PTPRM: variants seen among roughly 807,000 people sequenced by gnomAD.
The protein encoded by PTPRM is receptor-type tyrosine-protein phosphatase mu.
In PTPRM, 47 loss-of-function variants were observed where a neutral mutation model predicts 186.7. The ratio of observed to expected loss-of-function variants is 0.25; its 90% CI spans 0.20 to 0.32. PTPRM has a LOEUF of 0.32. Among genes scored for constraint, PTPRM ranks in the 10% least tolerant of loss-of-function variants. The pLI, the probability that PTPRM is intolerant of heterozygous loss-of-function variation, is 1.00. For synonymous variants in PTPRM, 668 were observed against 674.9 expected, an observed-to-expected ratio of 0.99 and a Z score of 0.16; for missense variants, 1,494 against 1,865.0, an observed-to-expected ratio of 0.80 and a Z score of 3.66.
At chr18:8,267,509 C>G (rs1488730102) in intron 19 of PTPRM, among the ~76,000 whole-genome samples, 1 of 152,070 alleles carries the variant, frequency 6.6e-6, no homozygotes, top group Non-Finnish European at 1.5e-5. Flanking sequence ...TAAGGCATTA[C>G]AATCTTAACA....
At chr18:8,330,034 C>A (rs1301054916) in intron 22 of PTPRM, among the ~76,000 whole-genome samples, 3 of 152,088 alleles carry the variant, frequency 2.0e-5, no homozygotes, top group Admixed American at 1.3e-4. Flanking sequence ...AACTCCTGGC[C>A]TCAAGCAATC....
chr18:8,052,363 G>A (rs980598293), intron 7 of PTPRM, among the ~76,000 whole-genome samples: 1 of 152,090 alleles, frequency 6.6e-6, no homozygotes, highest in Non-Finnish European at 1.5e-5. Flanking sequence ...TACCACTGTG[G>A]TCCCATATGA....
chr18:8,167,852 G>A (rs139996296), intron 14 of PTPRM, among the ~76,000 whole-genome samples: 32 of 152,316 alleles, frequency 2.1e-4, no homozygotes, highest in Middle Eastern at 3.4e-3. Context: ...ATGATGCAGT[G>A]TGGCACCTGA....
At chr18:8,308,667 A>C (rs1477681775) in intron 20 of PTPRM, among the ~76,000 whole-genome samples, 2 of 152,226 alleles carry the variant, frequency 1.3e-5, no homozygotes, top group Admixed American at 1.3e-4. Context: ...TGTGGCTAAC[A>C]GATACCCTAT....
chr18:8,080,354 C>T (rs765390605), intron 9 of PTPRM, among the ~76,000 whole-genome samples: 1 of 152,138 alleles, frequency 6.6e-6, no homozygotes, highest in African/African-American at 2.4e-5. Context: ...GAGACTAACA[C>T]ATGGATTGTT....
chr18:7,934,613 A>G (rs1380035623), intron 5 of PTPRM, among the ~76,000 whole-genome samples: 1 of 152,238 alleles, frequency 6.6e-6, no homozygotes, highest in Admixed American at 6.5e-5. Flanking sequence ...TGTTTGAAAT[A>G]AAGTAATTGC....
intron 17 of PTPRM, 30 bp downstream of exon 17, chr18:8,248,206 T>C (rs771411778): frequency 1.3e-6 from 2 of 1,520,324 alleles, no homozygotes; most frequent in Middle Eastern, 1.7e-4. Flanking sequence ...CCACAGTTTA[T>C]TGCAGGAGTA....
In PTPRM at chr18:8,282,965, G is replaced by C. The variant is rs562202892; in HGVS notation, c.2755-13403G>C. 3.3e-5 allele frequency among the ~76,000 whole-genome samples: 5 copies of C among 152,260 alleles called. No individual in the cohort carries two copies. The South Asian group carries it at 1.0e-3, about 32-fold the overall frequency. ...ATGGATCTCAAGGGCATTGTGCTCA[G>C]GAAAAAGAAGCCAGTACTTGATGAT... On this transcript the variant is annotated intron_variant, in intron 19 of 32. Coordinates refer to ENST00000580170, the MANE Select transcript of PTPRM (RefSeq NM_001105244.2).
At chr18:7,795,769 A>T (rs2043598223) in intron 2 of PTPRM, among the ~76,000 whole-genome samples, 1 of 149,904 alleles carries the variant, frequency 6.7e-6, no homozygotes, top group African/African-American at 2.5e-5. Flanking sequence ...GTTCACCAAG[A>T]TATTACCACT....
In PTPRM at chr18:7,568,209, T is replaced by A. The variant is rs1320414835; in HGVS notation, c.73+318T>A. On this transcript the variant is annotated intron_variant, in intron 1 of 32. Coordinates refer to ENST00000580170, the MANE Select transcript of PTPRM (RefSeq NM_001105244.2). This position sits in a 1 kb window ranked among gnomAD's most constrained non-coding sequence, Gnocchi z 5.1. ...TGGGCGGCTTGCACTCTTGAGTCCC[T>A]GGCCGGCTGCAAAAGGAACAGCAGA... Among the ~76,000 whole-genome samples the A allele has an allele frequency of 6.6e-6, 1 of 151,860 alleles. No homozygotes were observed.
chr18:8,206,268 A>ATTTTATTTTTTTTTTTTTTTTTTTTTTTT lies in PTPRM; in HGVS notation c.2301-37786_2301-37785insATTTTTTTTTTTTTTTTTTTTTTTTTTTT. On this transcript the variant is annotated intron_variant, in intron 14 of 32. Transcript: ENST00000580170. Reference sequence around the variant, plus strand: ...CTGAATTTTTATTTTATTTTATTTTATTTTGAGACGGAGTCTTGCACTGTC... The same window carrying ATTTTATTTTTTTTTTTTTTTTTTTTTTTT: ...CTGAATTTTTATTTTATTTTATTTTATTTTATTTTTTTTTTTTTTTTTTTTTTTTTTTTGAGACGGAGTCTTGCACTGTC... Among the ~76,000 whole-genome samples, 214 of 148,986 alleles carry ATTTTATTTTTTTTTTTTTTTTTTTTTTTT rather than the reference A, an allele frequency of 1.4e-3. 3 individuals carry two copies. The highest frequency in any genetic ancestry group is 5.1e-3 in the African/African-American group (197 of 38,602).
At chr18:7,656,923 C>T (rs947100863) in intron 1 of PTPRM, among the ~76,000 whole-genome samples, 1 of 152,046 alleles carries the variant, frequency 6.6e-6, no homozygotes, top group African/African-American at 2.4e-5. Flanking sequence ...CATCTTCCTT[C>T]CCCAGTTCTT....
intron 1 of PTPRM, among the ~76,000 whole-genome samples, chr18:7,691,057 GC>G (rs1384070671): frequency 6.6e-6 from 1 of 152,004 alleles, no homozygotes; most frequent in Admixed American, 6.6e-5. Context: ...TTTCTGAGAT[GC>G]CACATCTCGA....
At chr18:7,669,037 G>A (rs2039158838) in intron 1 of PTPRM, among the ~76,000 whole-genome samples, 1 of 151,854 alleles carries the variant, frequency 6.6e-6, no homozygotes, top group South Asian at 2.1e-4. Context: ...ATTCTTCCTG[G>A]AAACACTAAA....
intron 4 of PTPRM, among the ~76,000 whole-genome samples, chr18:7,915,965 T>C (rs1289517193): frequency 6.6e-6 from 1 of 152,162 alleles, no homozygotes. Flanking sequence ...AGAAATCTGA[T>C]CTCACAGTCA....
chr18:7,649,741 TAAAGAAAAAGAA>T (rs1568004731), intron 1 of PTPRM, among the ~76,000 whole-genome samples: 1 of 150,726 alleles, frequency 6.6e-6, no homozygotes, highest in Non-Finnish European at 1.5e-5. Context: ...ATACTAATAA[TAAAGAAAAAGAA>T]AAAGAAAAAA....
At position 8,286,750 on chromosome 18, in the gene PTPRM, C is replaced by G. The variant is rs143786705; in HGVS notation, c.2755-9618C>G. Among the ~76,000 whole-genome samples the G allele has an allele frequency of 1.1e-4, 16 of 152,182 alleles. No homozygotes were observed. In the East Asian group the frequency reaches 3.1e-3, roughly 29 times the overall value. On this transcript the variant is annotated intron_variant, in intron 19 of 32. Transcript: ENST00000580170. The stretch of plus-strand genomic sequence containing the variant: ...TGAGATGTAATCATTTTTTGCTAAA[C>G]TGTTTTAAAAGATATTTCTAACCTT...
intron 1 of PTPRM, among the ~76,000 whole-genome samples, chr18:7,677,512 C>T (rs141427134): frequency 7.7e-4 from 117 of 152,282 alleles, no homozygotes; most frequent in African/African-American, 2.7e-3. Context: ...GACCACCTTC[C>T]TTAGAAGGCC....
At chr18:7,966,483 C>T (rs1904958575) in intron 7 of PTPRM, among the ~76,000 whole-genome samples, 1 of 152,074 alleles carries the variant, frequency 6.6e-6, no homozygotes, top group Non-Finnish European at 1.5e-5. Flanking sequence ...CAGCTCCGGT[C>T]TACAGCTCCC....
Sources: gnomAD v4.1 joint callset for allele counts (sites outside exome capture counted in the v4.1 genomes callset) on GRCh38, gnomAD v4.1.1 for gene constraint, Gnocchi (gnomAD v3.1) non-coding constraint, MANE v1.5 for transcripts, NCBI Gene and HGNC (gene_info 2026-07-23, HGNC 2026-07-21) for gene names.